Variants in SCHIP1 observed in about 807,000 individuals in gnomAD.
The protein encoded by SCHIP1 is schwannomin interacting protein 1.
A neutral mutation model predicts 29.7 loss-of-function variants in SCHIP1; 8 were observed. That is an observed-to-expected ratio of 0.27 (90% CI 0.16 to 0.49). The LOEUF (loss-of-function observed/expected upper bound fraction) is 0.49. Ranked by LOEUF, SCHIP1 falls within the 20% of genes least tolerant of loss-of-function variation. The pLI, the probability that SCHIP1 is intolerant of heterozygous loss-of-function variation, is 0.99. For missense variants in SCHIP1, 193 were observed against 294.6 expected (o/e 0.66, Z 2.52); for synonymous variants, 76 against 94.9 (o/e 0.80, Z 1.16).
chr3:159,739,397 A>T, the SCHIP1 span, among the ~76,000 whole-genome samples: 2 of 152,248 alleles, frequency 1.3e-5, no homozygotes, highest in African/African-American at 4.8e-5. Flanking sequence ...AAGCTTTTTC[A>T]GTGTCCACAA....
At chr3:159,504,569 C>T in the SCHIP1 span, among the ~76,000 whole-genome samples, 3 of 152,114 alleles carry the variant, frequency 2.0e-5, no homozygotes, top group Admixed American at 2.0e-4. Context: ...TCCAAAAATT[C>T]TTATATTTAG....
intron 1 of SCHIP1, among the ~76,000 whole-genome samples, chr3:159,864,161 AT>A (rs1332090957): frequency 6.6e-6 from 1 of 152,174 alleles, no homozygotes; most frequent in Non-Finnish European, 1.5e-5. Flanking sequence ...AGATATGGGG[AT>A]TTGAAATGAA....
chr3:159,740,114 C>T, the SCHIP1 span, among the ~76,000 whole-genome samples: 2 of 152,248 alleles, frequency 1.3e-5, no homozygotes, highest in Admixed American at 1.3e-4. Flanking sequence ...GGCCCCCAGA[C>T]TGACCTCAGT....
At chr3:159,700,406 A>G in the SCHIP1 span, among the ~76,000 whole-genome samples, 1 of 152,248 alleles carries the variant, frequency 6.6e-6, no homozygotes, top group African/African-American at 2.4e-5. Flanking sequence ...TAATGTAAAA[A>G]TCAATAGTTG....
At chr3:159,707,429 T>C in the SCHIP1 span, among the ~76,000 whole-genome samples, 1 of 152,142 alleles carries the variant, frequency 6.6e-6, no homozygotes, top group Non-Finnish European at 1.5e-5. Context: ...ATAAATGAAA[T>C]AAGGGGTGCA....
chr3:159,494,627 A>G, the SCHIP1 span, among the ~76,000 whole-genome samples: 1 of 152,146 alleles, frequency 6.6e-6, no homozygotes, highest in Non-Finnish European at 1.5e-5. Flanking sequence ...TTACTGACCA[A>G]AAAAAGTCCA....
chr3:159,492,794 A>G, the SCHIP1 span, among the ~76,000 whole-genome samples: 55 of 152,266 alleles, frequency 3.6e-4, no homozygotes, highest in Middle Eastern at 3.4e-3. Context: ...CAAGACACAT[A>G]ATTGTCAGAT....
At chr3:159,689,696 C>G in the SCHIP1 span, among the ~76,000 whole-genome samples, 1 of 152,148 alleles carries the variant, frequency 6.6e-6, no homozygotes, top group African/African-American at 2.4e-5. Context: ...GAGAATGCTT[C>G]CAGCTTTTGC....
At chr3:159,561,779 A>G in the SCHIP1 span, among the ~76,000 whole-genome samples, 1 of 152,172 alleles carries the variant, frequency 6.6e-6, no homozygotes, top group Non-Finnish European at 1.5e-5. Context: ...TGAACCACCC[A>G]GGGGATCCCA....
chr3:159,883,873 G>A (rs532398641), intron 2 of SCHIP1, among the ~76,000 whole-genome samples: 1 of 151,770 alleles, frequency 6.6e-6, no homozygotes, highest in Non-Finnish European at 1.5e-5. Flanking sequence ...TTCCTTTCCT[G>A]AGTTAGACTA....
chr3:159,371,776 T>C, the SCHIP1 span, among the ~76,000 whole-genome samples: 1 of 152,160 alleles, frequency 6.6e-6, no homozygotes, highest in African/African-American at 2.4e-5. Context: ...CCTAGTACAA[T>C]GTAAATGCTA....
At chr3:159,774,110 A>G in the SCHIP1 span, among the ~76,000 whole-genome samples, 3 of 152,212 alleles carry the variant, frequency 2.0e-5, no homozygotes, top group African/African-American at 7.2e-5. Flanking sequence ...GGACAGGGAA[A>G]TACATTTGGA....
At chr3:159,795,235 C>T in the SCHIP1 span, among the ~76,000 whole-genome samples, 1 of 152,162 alleles carries the variant, frequency 6.6e-6, no homozygotes, top group African/African-American at 2.4e-5. Context: ...CATTTGGCAG[C>T]GCAACTAACC....
At chr3:159,537,433 T>C in the SCHIP1 span, among the ~76,000 whole-genome samples, 1 of 152,204 alleles carries the variant, frequency 6.6e-6, no homozygotes, top group Non-Finnish European at 1.5e-5. Context: ...TGGTTTGATA[T>C]CATGGATGAT....
the SCHIP1 span, among the ~76,000 whole-genome samples, chr3:159,479,934 A>G: frequency 6.6e-6 from 1 of 152,196 alleles, no homozygotes; most frequent in African/African-American, 2.4e-5. Flanking sequence ...ATTTCTAGCT[A>G]TACTGTGGAG....
chr3:159,587,796 A>T, the SCHIP1 span, among the ~76,000 whole-genome samples: 2 of 152,064 alleles, frequency 1.3e-5, no homozygotes, highest in African/African-American at 2.4e-5. Context: ...AAGGACATGA[A>T]CTCATCCTTT....
At chr3:159,666,716 T>C in the SCHIP1 span, among the ~76,000 whole-genome samples, 2 of 152,160 alleles carry the variant, frequency 1.3e-5, no homozygotes, top group Non-Finnish European at 2.9e-5. Context: ...GATAAAAACA[T>C]ATGAAAACTT....
the SCHIP1 span, among the ~76,000 whole-genome samples, chr3:159,472,842 G>A: frequency 6.6e-6 from 1 of 152,130 alleles, no homozygotes; most frequent in African/African-American, 2.4e-5. Flanking sequence ...GAACCGGAAG[G>A]GCTTCCTGTA....
chr3:159,494,202 C>T, the SCHIP1 span, among the ~76,000 whole-genome samples: 1 of 151,848 alleles, frequency 6.6e-6, no homozygotes, highest in Non-Finnish European at 1.5e-5. Flanking sequence ...ACTAGAGAAG[C>T]AAGAGCAAAC....
Sources: allele counts gnomAD v4.1 joint callset (sites outside exome capture counted in the v4.1 genomes callset), GRCh38; gene constraint gnomAD v4.1.1; transcripts MANE v1.5; gene names NCBI Gene and HGNC (gene_info 2026-07-23, HGNC 2026-07-21).